RBAK: variants seen among roughly 807,000 people sequenced by gnomAD.
The protein encoded by RBAK is RB associated KRAB zinc finger, also known as RB-associated KRAB zinc finger protein.
RBAK carries 39 observed loss-of-function variants against 65.8 expected under a neutral mutation model. That is an observed-to-expected ratio of 0.59 (90% CI 0.46 to 0.77). RBAK has a LOEUF of 0.77. Ranked by LOEUF, RBAK falls within the 30% of genes least tolerant of loss-of-function variation. The pLI, the probability that RBAK is intolerant of heterozygous loss-of-function variation, is 0.00. For missense variants in RBAK, 884 were observed against 855.1 expected, an observed-to-expected ratio of 1.03 and a Z score of -0.42; for synonymous variants, 343 against 289.7, an observed-to-expected ratio of 1.18 and a Z score of -1.87.
In RBAK at chr7:5,065,501, ACGAGTG is replaced by A; in HGVS notation, c.2046_2051del (p.Glu683_Cys684del). 1 of 1,604,498 alleles carries A rather than the reference ACGAGTG, an allele frequency of 6.2e-7. No homozygotes were observed. Among genetic ancestry groups the A allele is most frequent in the Non-Finnish European group, 8.5e-7 (1 of 1,173,560 alleles). Reference sequence around the variant, plus strand: ...TCAGGAGAGAAACCCTATGAATGTAACGAGTGTGGGAAAAAATTCCACCACAGATCA... The same window carrying A: ...TCAGGAGAGAAACCCTATGAATGTAATGGGAAAAAATTCCACCACAGATCA... On this transcript the variant is annotated inframe_deletion, in exon 5 of 5. Transcript: ENST00000396912. The surrounding 1 kb of genome is among the most constrained non-coding windows in gnomAD (Gnocchi z 5.3).
At chr7:5,053,268 C>T (rs547173533) in intron 2 of RBAK, among the ~76,000 whole-genome samples, 4 of 152,308 alleles carry the variant, frequency 2.6e-5, no homozygotes, top group East Asian at 3.9e-4. Flanking sequence ...GGTGTTTCTG[C>T]TGGATATTTC....
rs1353960779 is a variant in RBAK, at chr7:5,066,825, A to G, written c.*1224A>G. On this transcript the variant is annotated 3_prime_UTR_variant, in exon 5 of 5. Transcript: ENST00000396912. ...CAGTAACTTGTTTTATAGTGGTCAT[A>G]TGACCTGATACTGGGTAAACAAAAC... 2 of 152,210 alleles carry G rather than the reference A, an allele frequency of 1.3e-5. No individual in the cohort carries two copies. Among genetic ancestry groups the G allele is most frequent in the East Asian group, 3.8e-4 (2 of 5,204 alleles). 9.4% of individuals were successfully genotyped at this position (152,210 alleles called of 1,614,324 possible).
rs752747388 is a variant in RBAK, at chr7:5,065,403, A to G, written c.1947A>G (p.Lys649=). The G allele has an allele frequency of 1.2e-5, 19 of 1,613,782 alleles. No homozygotes were observed. The highest frequency in any genetic ancestry group is 4.2e-6 in the Non-Finnish European group (5 of 1,179,876). Residue 649 remains lysine, a synonymous_variant, in exon 5 of 5, where the codon AAA becomes AAG. Transcript: ENST00000396912. The surrounding 1 kb of genome is among the most constrained non-coding windows in gnomAD (Gnocchi z 5.3). ...TVHYRSHSGE[K]PYECNECGKV... ...ACTACAGAAGCCATTCAGGAGAGAA[A>G]CCCTATGAATGTAATGAATGTGGGA...
chr7:5,065,292 ACAT>A lies in RBAK; in HGVS notation c.1841_1843del (p.His614del). 1 of 1,613,998 alleles carries A rather than the reference ACAT, an allele frequency of 6.2e-7. No individual in the cohort carries two copies. Reference sequence around the variant, plus strand: ...TCTCTCAGAAATCATATCTCACTATACATCATCGAATTCATTCAGGAGAGAAAC... The same window carrying A: ...TCTCTCAGAAATCATATCTCACTATACATCGAATTCATTCAGGAGAGAAAC... On this transcript the variant is annotated inframe_deletion, in exon 5 of 5. Transcript: ENST00000396912. This position sits in a 1 kb window ranked among gnomAD's most constrained non-coding sequence, Gnocchi z 5.3.
At chr7:5,056,652 T>G (rs986347972) in intron 2 of RBAK, among the ~76,000 whole-genome samples, 1 of 152,222 alleles carries the variant, frequency 6.6e-6, no homozygotes, top group African/African-American at 2.4e-5. Context: ...GGGCATTCAT[T>G]CATTTAACGA....
rs369462904 is a variant in RBAK, at chr7:5,063,914, G to A, written c.458G>A (p.Ser153Asn). 6.2e-7 allele frequency: 1 copy of A among 1,613,976 alleles called. No individual in the cohort carries two copies. Residue 153 changes from serine to asparagine, a missense_variant, in exon 5 of 5, where the codon AGT (serine) becomes AAT (asparagine). Ser to Asn is a conservative substitution (Grantham distance 46, BLOSUM62 1). Coordinates refer to ENST00000396912, the MANE Select transcript of RBAK (RefSeq NM_021163.4). ...NLESISQLIS[S>N]DGSYARTKPD... ...GAATCTATTTCGCAATTAATTAGTA[G>A]TGATGGAAGCTATGCTAGGACAAAA...
rs1290505798 is a variant in RBAK, at chr7:5,068,640, T to C, written c.*3039T>C. 6.6e-6 allele frequency: 1 copy of C among 152,168 alleles called. No homozygotes were observed. The highest frequency in any genetic ancestry group is 1.5e-5 in the Non-Finnish European group (1 of 68,020). The allele number at this position is 152,168 out of a possible 1,614,324, so 9.4% of individuals were successfully genotyped here. A position where few individuals can be genotyped will look rare whatever the true frequency, so the allele number is the denominator to read the frequency against. ...GTGGAATTGCTCATCGATAAAACCATTTTGAAAGCTGGCACTAAAAGCCAA... is the reference window on the plus strand; with the variant it reads ...GTGGAATTGCTCATCGATAAAACCACTTTGAAAGCTGGCACTAAAAGCCAA... On this transcript the variant is annotated 3_prime_UTR_variant, in exon 5 of 5. Coordinates refer to ENST00000396912, the MANE Select transcript of RBAK (RefSeq NM_021163.4).
At chr7:5,053,175 C>T (rs1788153468) in intron 2 of RBAK, among the ~76,000 whole-genome samples, 2 of 152,172 alleles carry the variant, frequency 1.3e-5, no homozygotes, top group Non-Finnish European at 2.9e-5. Flanking sequence ...TTACTTCTGC[C>T]TCAAGGACTT....
rs1175854386 is a variant in RBAK at position 5,067,463 on chromosome 7, A to G, written c.*1862A>G. Reference sequence around the variant, plus strand: ...TATGCTTTGAAGAACTGTATCCAGAAAATAAAATTACAAAGGAGGAGAGGG... The same window carrying G: ...TATGCTTTGAAGAACTGTATCCAGAGAATAAAATTACAAAGGAGGAGAGGG... On this transcript the variant is annotated 3_prime_UTR_variant, in exon 5 of 5. Coordinates refer to ENST00000396912, the MANE Select transcript of RBAK (RefSeq NM_021163.4). 1 of 152,218 alleles carries G rather than the reference A, an allele frequency of 6.6e-6. No homozygotes were observed. Among genetic ancestry groups the G allele is most frequent in the Non-Finnish European group, 1.5e-5 (1 of 68,016 alleles). The allele number at this position is 152,218 out of a possible 1,614,324, so 9.4% of individuals were successfully genotyped here.
chr7:5,062,999 C>T (rs188239115), intron 4 of RBAK, among the ~76,000 whole-genome samples: 22 of 152,190 alleles, frequency 1.4e-4, no homozygotes, highest in Admixed American at 9.8e-4. Context: ...GTGCAGTTAA[C>T]GCAATTATCA....
rs918741939 is a variant in RBAK, at chr7:5,048,484, C to G, written c.15+393C>G. ...CCACCGCGCCCAGCCAGGATTCATA[C>G]TTTAAAATGGGAATGTGGAAATAGA... is the stretch of plus-strand genomic sequence containing the variant. On this transcript the variant is annotated intron_variant, in intron 2 of 4. Coordinates refer to ENST00000396912, the MANE Select transcript of RBAK (RefSeq NM_021163.4). The surrounding 1 kb of genome is among the most constrained non-coding windows in gnomAD (Gnocchi z 4.4). Among the ~76,000 whole-genome samples, 1 of 152,180 alleles carries G rather than the reference C, an allele frequency of 6.6e-6. No individual in the cohort carries two copies. The highest frequency in any genetic ancestry group is 2.4e-5 in the African/African-American group (1 of 41,440).
chr7:5,046,306 G>A lies in RBAK; in HGVS notation c.-135G>A, dbSNP rs746582806. On this transcript the variant is annotated 5_prime_UTR_variant, in exon 1 of 5. Transcript: ENST00000396912. Reference sequence around the variant, plus strand: ...AACAACCTTAGTGAGGTGGACAGGAGGGGACCTCGCGAGCAGACGCGCGCC... The same window carrying A: ...AACAACCTTAGTGAGGTGGACAGGAAGGGACCTCGCGAGCAGACGCGCGCC... 2 of 516,322 alleles carry A rather than the reference G, an allele frequency of 3.9e-6. No individual in the cohort carries two copies. Among genetic ancestry groups the A allele is most frequent in the East Asian group, 5.5e-5 (1 of 18,326 alleles). The allele number at this position is 516,322 out of a possible 1,614,324, so 32.0% of individuals were successfully genotyped here.
At chr7:5,052,449 C>G (rs560704823) in intron 2 of RBAK, among the ~76,000 whole-genome samples, 3 of 152,200 alleles carry the variant, frequency 2.0e-5, no homozygotes, top group African/African-American at 7.2e-5. Context: ...TGTTTGTCTT[C>G]CTTCCTCTTG....
Position 5,065,044 on chromosome 7 carries a change from C to A in RBAK, c.1588C>A (p.Gln530Lys), listed in dbSNP as rs751325675. The A allele has an allele frequency of 1.8e-5, 29 of 1,613,326 alleles. No individual in the cohort carries two copies. The highest frequency in any genetic ancestry group is 2.4e-5 in the Non-Finnish European group (28 of 1,179,802). Residue 530 changes from glutamine to lysine, a missense_variant, in exon 5 of 5, where the codon CAG becomes AAG. Physicochemically the swap from Gln to Lys is moderately conservative, Grantham distance 53. Coordinates refer to ENST00000396912, the MANE Select transcript of RBAK (RefSeq NM_021163.4). This position sits in a 1 kb window ranked among gnomAD's most constrained non-coding sequence, Gnocchi z 5.3. ...FLVNSAFDGH[Q>K]PLPKGEKSYE... ...TGTAAATTCAGCCTTCGATGGGCAC[C>A]AGCCACTTCCAAAAGGGGAGAAATC...
In RBAK at chr7:5,063,968, CAT is replaced by C. The variant is rs1373322833; in HGVS notation, c.515_516del (p.Tyr172SerfsTer7). 1.2e-5 allele frequency: 19 copies of C among 1,613,944 alleles called. No individual in the cohort carries two copies. Among genetic ancestry groups the C allele is most frequent in the Non-Finnish European group, 1.4e-5 (16 of 1,179,964 alleles). ...GATGAGTGTAATGAATGTGGGAAAA[CAT>C]ATCATGGAGAGAAAATGTGTGAATT... is the stretch of plus-strand genomic sequence containing the variant. On this transcript the variant is annotated frameshift_variant, in exon 5 of 5. Transcript: ENST00000396912. LOFTEE classifies it high-confidence loss of function.
chr7:5,057,902 C>G (rs1778966847), intron 4 of RBAK, 123 bp downstream of exon 4: 7 of 927,110 alleles, frequency 7.6e-6, no homozygotes, highest in Admixed American at 7.5e-5. Flanking sequence ...ATATCACTTT[C>G]CTTCCCGCAC....
intron 2 of RBAK, among the ~76,000 whole-genome samples, chr7:5,054,650 T>C (rs758750810): frequency 6.6e-6 from 1 of 151,786 alleles, no homozygotes; most frequent in Non-Finnish European, 1.5e-5. Context: ...CCAAGGCTGG[T>C]CTCAAACTCC....
intron 2 of RBAK, among the ~76,000 whole-genome samples, chr7:5,050,416 C>T (rs1003341411): frequency 3.9e-5 from 6 of 152,090 alleles, no homozygotes; most frequent in Admixed American, 2.0e-4. Flanking sequence ...CTGTACCGTA[C>T]GTGGCATTTG....
chr7:5,057,553 A>G, intron 3 of RBAK, 131 bp from the exon 4 acceptor site: 2 of 1,591,134 alleles, frequency 1.3e-6, no homozygotes, highest in Non-Finnish European at 1.7e-6. Context: ...ATTCATTGAA[A>G]GGTTCTAACT....
Sources: allele counts gnomAD v4.1 joint callset (sites outside exome capture counted in the v4.1 genomes callset), GRCh38; gene constraint gnomAD v4.1.1; non-coding constraint Gnocchi (gnomAD v3.1); transcripts MANE v1.5; gene names NCBI Gene and HGNC (gene_info 2026-07-23, HGNC 2026-07-21).